Variants in NUP160 observed in about 807,000 individuals in gnomAD.
NUP160 encodes nuclear pore complex protein Nup160.
In NUP160, 94 loss-of-function variants were observed where a neutral mutation model predicts 196.9. The observed-to-expected ratio is 0.48, with a 90% CI of 0.40 to 0.57. The LOEUF (loss-of-function observed/expected upper bound fraction) is 0.57, where lower values mean the gene tolerates loss of function less well. Among genes scored for constraint, NUP160 ranks in the 20% least tolerant of loss-of-function variants. NUP160 has a pLI of 0.00. For synonymous variants in NUP160, 605 were observed against 619.7 expected (o/e 0.98, Z 0.35); for missense variants, 1,638 against 1,748.3 (o/e 0.94, Z 1.13).
At chr11:47,826,139 T>TAAACAAAC (rs377604809) in intron 7 of NUP160, among the ~76,000 whole-genome samples, 32 of 151,946 alleles carry the variant, frequency 2.1e-4, no homozygotes, top group African/African-American at 5.1e-4. Context: ...CAAACAGCAT[T>TAAACAAAC]AAACAAACAA....
intron 17 of NUP160, among the ~76,000 whole-genome samples, chr11:47,809,908 T>C (rs1434527537): frequency 6.6e-6 from 1 of 151,934 alleles, no homozygotes; most frequent in Admixed American, 6.6e-5. Context: ...AGAATGTGCA[T>C]GGAAAAAAAC....
intron 19 of NUP160, 92 bp from the exon 20 acceptor site, chr11:47,806,404 A>G: frequency 2.0e-6 from 2 of 1,023,330 alleles, no homozygotes; most frequent in Non-Finnish European, 1.4e-6. Context: ...GCTTGTAACA[A>G]ACAATTTAGC....
chr11:47,811,722 T>C (rs536804603), intron 17 of NUP160, among the ~76,000 whole-genome samples: 8 of 152,226 alleles, frequency 5.3e-5, no homozygotes, highest in Non-Finnish European at 7.4e-5. Flanking sequence ...ATGTGCAGGT[T>C]TGTTACGTAG....
chr11:47,801,744 C>T, intron 23 of NUP160, 67 bp downstream of exon 23: 1 of 1,397,574 alleles, frequency 7.2e-7, no homozygotes, highest in Non-Finnish European at 9.8e-7. Context: ...CCAAAAATAG[C>T]AAAGCAATGT....
intron 7 of NUP160, among the ~76,000 whole-genome samples, chr11:47,835,264 A>G (rs1429535981): frequency 6.6e-6 from 1 of 152,164 alleles, no homozygotes; most frequent in East Asian, 1.9e-4. Flanking sequence ...TGATTACACT[A>G]TTACATCACA....
chr11:47,835,940 T>TC, intron 6 of NUP160, 131 bp from the exon 7 acceptor site: 1 of 752,756 alleles, frequency 1.3e-6, no homozygotes, highest in African/African-American at 1.8e-5. Context: ...ACCTTACAGG[T>TC]TTTTGTTTCA....
chr11:47,789,944 CTTTTT>C (rs34563280), intron 29 of NUP160, among the ~76,000 whole-genome samples: 3 of 130,156 alleles, frequency 2.3e-5, no homozygotes, highest in Admixed American at 7.9e-5. Context: ...ATATACTGTA[CTTTTT>C]TTTTTTTTTT....
chr11:47,782,303 A>AAT (rs10529981), intron 34 of NUP160, among the ~76,000 whole-genome samples: 33 of 40,502 alleles, frequency 8.1e-4, no homozygotes, highest in South Asian at 1.9e-3. Context: ...AAAAAAAAAA[A>AAT]ATATATATAT....
chr11:47,803,628 G>T, intron 21 of NUP160, 92 bp from the exon 22 acceptor site: 1 of 751,328 alleles, frequency 1.3e-6, no homozygotes, highest in South Asian at 1.5e-5. Flanking sequence ...AGGATGAAAA[G>T]ACAGTGTTTG....
chr11:47,812,936 T>G, exon 15 of NUP160: 1 of 1,613,738 alleles, frequency 6.2e-7, no homozygotes. Context: ...TTCCGGAGAC[T>G]GTAGGTTATA....
At chr11:47,793,481 A>C (rs1379576173) in intron 27 of NUP160, among the ~76,000 whole-genome samples, 1 of 152,092 alleles carries the variant, frequency 6.6e-6, no homozygotes, top group Admixed American at 6.6e-5. Context: ...TATGGAAAAC[A>C]GTATGGCAGT....
At chr11:47,837,768 A>G in intron 4 of NUP160, 145 bp from the exon 5 acceptor site, 1 of 591,854 alleles carries the variant, frequency 1.7e-6, no homozygotes, top group East Asian at 2.8e-5. Flanking sequence ...ACTTTCCTGC[A>G]TATATCACAC....
At position 47,792,004 on chromosome 11, in the gene NUP160, A is replaced by G; in HGVS notation, c.3451-14T>C. ...AGGGCGATCATACTGATAAAACAAA[A>G]CAAGCAATTTAACTGTGAAAATCAG... On this transcript the variant is annotated splice_polypyrimidine_tract_variant and intron_variant, in intron 28 of 35. Coordinates refer to ENST00000378460, the Ensembl canonical transcript of NUP160. 1.3e-6 allele frequency: 2 copies of G among 1,585,052 alleles called. No individual in the cohort carries two copies. The highest frequency in any genetic ancestry group is 1.7e-6 in the Non-Finnish European group (2 of 1,159,940).
chr11:47,826,145 A>C (rs551133991), intron 7 of NUP160, among the ~76,000 whole-genome samples: 1 of 151,022 alleles, frequency 6.6e-6, no homozygotes, highest in East Asian at 1.9e-4. Context: ...GCATTAAACA[A>C]ACAAACAAAC....
intron 23 of NUP160, among the ~76,000 whole-genome samples, chr11:47,798,668 AT>A (rs1463071533): frequency 1.3e-5 from 2 of 152,024 alleles, no homozygotes; most frequent in African/African-American, 4.8e-5. Flanking sequence ...CTACAAAAAA[AT>A]TTTTTTAAAA....
chr11:47,840,023 T>C (rs777541452), exon 4 of NUP160: 4 of 1,614,174 alleles, frequency 2.5e-6, no homozygotes, highest in Non-Finnish European at 3.4e-6. Flanking sequence ...ACTTTTCCAA[T>C]GTCAGTGAAT....
Position 47,792,499 on chromosome 11 carries a change from T to C in NUP160, c.3450+287A>G, listed in dbSNP as rs969080053. 2.0e-5 allele frequency: 6 copies of C among 302,968 alleles called. No individual in the cohort carries two copies. In the East Asian group the frequency reaches 2.2e-4, roughly 11 times the overall value. 18.8% of individuals were successfully genotyped at this position (302,968 alleles called of 1,614,324 possible). A position where few individuals can be genotyped will look rare whatever the true frequency, so the allele number is the denominator to read the frequency against. ...TATAAAGTAGATATTATCCGTATTTTATGCCAGAGAATGACAAAAGATTAA... is the reference window on the plus strand; with the variant it reads ...TATAAAGTAGATATTATCCGTATTTCATGCCAGAGAATGACAAAAGATTAA... On this transcript the variant is annotated intron_variant, in intron 28 of 35. Coordinates refer to ENST00000378460, the Ensembl canonical transcript of NUP160.
At chr11:47,811,855 T>A (rs2097681335) in intron 17 of NUP160, among the ~76,000 whole-genome samples, 1 of 152,198 alleles carries the variant, frequency 6.6e-6, no homozygotes, top group African/African-American at 2.4e-5. Context: ...TATATGCTCT[T>A]AATCTATACT....
chr11:47,848,115 C>G (rs578258031), intron 1 of NUP160, 104 bp downstream of exon 1: 47 of 1,376,146 alleles, frequency 3.4e-5, no homozygotes, highest in Non-Finnish European at 3.7e-5. Context: ...GGGCTAGAGG[C>G]ATGTGGACTC....
Sources: allele counts gnomAD v4.1 joint callset (sites outside exome capture counted in the v4.1 genomes callset), GRCh38; gene constraint gnomAD v4.1.1; transcripts MANE v1.5; gene names NCBI Gene and HGNC (gene_info 2026-07-23, HGNC 2026-07-21).